Variants in TBX20 observed in about 807,000 individuals in gnomAD.
The protein encoded by TBX20 is T-box transcription factor TBX20.
A neutral mutation model predicts 42.9 loss-of-function variants in TBX20; 8 were observed. The ratio of observed to expected loss-of-function variants is 0.19; its 90% CI spans 0.11 to 0.34. The LOEUF (loss-of-function observed/expected upper bound fraction) is 0.34. TBX20 is among the 10% of genes least tolerant of loss of function. The pLI is 1.00. For synonymous variants in TBX20, 198 were observed against 222.8 expected (o/e 0.89, Z 0.99); for missense variants, 411 against 566.0 (o/e 0.73, Z 2.78).
At chr7:35,210,089 T>C (rs1366364603) in intron 6 of TBX20, among the ~76,000 whole-genome samples, 3 of 151,884 alleles carry the variant, frequency 2.0e-5, no homozygotes, top group African/African-American at 7.2e-5. Context: ...AGAAGGCATA[T>C]TCTGCTAATT....
intron 6 of TBX20, among the ~76,000 whole-genome samples, chr7:35,207,660 T>C (rs187584658): frequency 6.6e-6 from 1 of 152,334 alleles, no homozygotes; most frequent in African/African-American, 2.4e-5. Context: ...TAATTTTATA[T>C]ATGAATGAGT....
chr7:35,224,905 A>G (rs1789744584), intron 6 of TBX20, among the ~76,000 whole-genome samples: 1 of 151,930 alleles, frequency 6.6e-6, no homozygotes, highest in African/African-American at 2.4e-5. Flanking sequence ...ACCAAAAACC[A>G]TATGCAATGA....
In TBX20 at chr7:35,231,545, G is replaced by A; in HGVS notation, c.849C>T (p.Ala283=). Residue 283 remains alanine, a synonymous_variant, in exon 6 of 8, where the codon GCC becomes GCT. Transcript: ENST00000408931. ...GCCTGGAGGAATCCCGGAATCCTTT[G>A]GCAAAAGGATTGCTATCTATTTTCA... is the stretch of plus-strand genomic sequence containing the variant. ...TKLKIDSNPF[A]KGFRDSSRLT... The A allele has an allele frequency of 6.2e-7, 1 of 1,613,070 alleles. No individual in the cohort carries two copies.
chr7:35,221,721 A>G (rs1165664645), intron 6 of TBX20, among the ~76,000 whole-genome samples: 2 of 152,214 alleles, frequency 1.3e-5, no homozygotes, highest in East Asian at 1.9e-4. Flanking sequence ...CAATTACTCA[A>G]TGTTTACCAA....
At chr7:35,252,603 A>G (rs1790327284) in intron 1 of TBX20, among the ~76,000 whole-genome samples, 2 of 152,242 alleles carry the variant, frequency 1.3e-5, no homozygotes, top group Admixed American at 6.5e-5. Flanking sequence ...GGGTTAAAAA[A>G]GAAAAATTAA....
At chr7:35,231,013 G>A (rs1410868154) in intron 6 of TBX20, among the ~76,000 whole-genome samples, 2 of 152,148 alleles carry the variant, frequency 1.3e-5, no homozygotes, top group South Asian at 2.1e-4. Context: ...AGGCCTGCCT[G>A]ATGTCTCTCC....
intron 2 of TBX20, 48 bp from the exon 3 acceptor site, chr7:35,248,889 A>C: frequency 6.2e-7 from 1 of 1,610,246 alleles, no homozygotes; most frequent in Non-Finnish European, 8.5e-7. Flanking sequence ...GCTGCCTAAT[A>C]AACTGACCTG....
chr7:35,212,917 T>C (rs1218836775), intron 6 of TBX20, among the ~76,000 whole-genome samples: 1 of 152,126 alleles, frequency 6.6e-6, no homozygotes, highest in East Asian at 1.9e-4. Flanking sequence ...CTGTAGATCT[T>C]TGAGTGCTTT....
intron 3 of TBX20, among the ~76,000 whole-genome samples, chr7:35,246,667 C>G (rs897485379): frequency 6.6e-6 from 1 of 152,050 alleles, no homozygotes; most frequent in Non-Finnish European, 1.5e-5. Flanking sequence ...GAATGACTGA[C>G]CAATGAACTT....
At chr7:35,205,262 C>T (rs1475983379) in intron 6 of TBX20, among the ~76,000 whole-genome samples, 2 of 151,876 alleles carry the variant, frequency 1.3e-5, no homozygotes, top group Non-Finnish European at 2.9e-5. Context: ...GATGGTCTTC[C>T]TCCTGTAACA....
At chr7:35,216,597 T>C (rs1789595404) in intron 6 of TBX20, among the ~76,000 whole-genome samples, 1 of 152,242 alleles carries the variant, frequency 6.6e-6, no homozygotes, top group Admixed American at 6.5e-5. Flanking sequence ...TTATTGAGCA[T>C]TGAGATTATG....
intron 5 of TBX20, among the ~76,000 whole-genome samples, chr7:35,237,296 T>A (rs969872785): frequency 4.8e-4 from 72 of 151,536 alleles, no homozygotes; most frequent in South Asian, 3.8e-3. Context: ...AAGTAATAAA[T>A]CCAAACCATG....
At chr7:35,234,938 C>T (rs2128713879) in intron 5 of TBX20, among the ~76,000 whole-genome samples, 1 of 152,168 alleles carries the variant, frequency 6.6e-6, no homozygotes, top group East Asian at 1.9e-4. Flanking sequence ...CCACCATGTT[C>T]CTTGTAGCCC....
intron 5 of TBX20, among the ~76,000 whole-genome samples, chr7:35,234,730 T>C (rs1789930344): frequency 6.6e-6 from 1 of 151,922 alleles, no homozygotes; most frequent in Non-Finnish European, 1.5e-5. Flanking sequence ...TCAAAACAAT[T>C]ACATTCTCTA....
Position 35,202,726 on chromosome 7 carries a change from C to A in TBX20, c.1048G>T (p.Val350Leu). The A allele has an allele frequency of 6.3e-7, 1 of 1,583,284 alleles. No homozygotes were observed. Among genetic ancestry groups the A allele is most frequent in the Non-Finnish European group, 8.6e-7 (1 of 1,164,620 alleles). The change falls in exon 8 of 8, where the codon GTA becomes TTA. Residue 350 changes from valine to leucine, a missense_variant. This residue lies in a region of TBX20 where 162 missense variants were observed against 205.4 expected (regional missense o/e 0.79). Transcript: ENST00000408931. The part of the protein sequence containing the change: ...TSDNLSLSSW[V>L]SSSSSFPGFQ... ...CCAGGAAAACTGGAAGAAGATGATA[C>A]CCAGGAGCTGAGAGACAAATTATCA...
At chr7:35,237,604 T>G (rs2392359) in intron 5 of TBX20, among the ~76,000 whole-genome samples, 72 of 151,428 alleles carry the variant, frequency 4.8e-4, no homozygotes, top group African/African-American at 1.7e-3. Context: ...AGAGAAAATT[T>G]GGGGGAAAGC....
intron 6 of TBX20, among the ~76,000 whole-genome samples, chr7:35,207,214 C>A (rs1789415228): frequency 6.6e-6 from 1 of 152,162 alleles, no homozygotes; most frequent in African/African-American, 2.4e-5. Context: ...TTGTAATATG[C>A]ATGTGCTGGT....
intron 6 of TBX20, among the ~76,000 whole-genome samples, chr7:35,212,497 GT>G (rs1279396667): frequency 2.0e-5 from 3 of 152,132 alleles, no homozygotes; most frequent in Admixed American, 2.0e-4. Context: ...TGCTGAATAT[GT>G]TTGTATTCTA....
chr7:35,253,863 C>T lies in TBX20; in HGVS notation c.-243G>A. 2 of 530,586 alleles carry T rather than the reference C, an allele frequency of 3.8e-6. No individual in the cohort carries two copies. Among genetic ancestry groups the T allele is most frequent in the East Asian group, 3.3e-5 (1 of 30,430 alleles). 32.9% of individuals were successfully genotyped at this position (530,586 alleles called of 1,614,324 possible). ...GCCGGAGAGGAGAGGGCCCACCGAG[C>T]ACTACGGCGGGTGCGCACGCCCCGG... On this transcript the variant is annotated 5_prime_UTR_variant, in exon 1 of 8. Coordinates refer to ENST00000408931, the MANE Select transcript of TBX20 (RefSeq NM_001077653.2).
Sources: gnomAD v4.1 joint callset for allele counts (sites outside exome capture counted in the v4.1 genomes callset) on GRCh38, gnomAD v4.1.1 for gene constraint, gnomAD v4.1.1 regional missense constraint, MANE v1.5 for transcripts, NCBI Gene and HGNC (gene_info 2026-07-23, HGNC 2026-07-21) for gene names.